LINGO2: variants seen among roughly 807,000 people sequenced by gnomAD.
LINGO2 encodes leucine-rich repeat and immunoglobulin-like domain-containing nogo receptor-interacting protein 2.
A neutral mutation model predicts 30.6 loss-of-function variants in LINGO2; 14 were observed. The observed-to-expected ratio is 0.46, with a 90% confidence interval of 0.30 to 0.72. The LOEUF is 0.72. Among genes scored for constraint, LINGO2 ranks in the 30% least tolerant of loss-of-function variants. The pLI, the probability that LINGO2 is intolerant of heterozygous loss-of-function variation, is 0.07. For synonymous variants in LINGO2, 317 were observed against 288.5 expected (o/e 1.10, Z -1.00); for missense variants, 729 against 751.7 (o/e 0.97, Z 0.35).
At chr9:27,989,664 C>A (rs1457757694) in intron 5 of LINGO2, among the ~76,000 whole-genome samples, 3 of 151,952 alleles carry the variant, frequency 2.0e-5, no homozygotes, top group Admixed American at 6.6e-5. Context: ...AGACCTATGT[C>A]CAGAACAAAA....
At chr9:28,085,020 T>G (rs1563965019) in intron 4 of LINGO2, among the ~76,000 whole-genome samples, 1 of 152,118 alleles carries the variant, frequency 6.6e-6, no homozygotes, top group Non-Finnish European at 1.5e-5. Context: ...TCTAATTTAA[T>G]CTTTAAAACA....
At chr9:28,224,101 G>A (rs1352201391) in intron 4 of LINGO2, among the ~76,000 whole-genome samples, 1 of 152,070 alleles carries the variant, frequency 6.6e-6, no homozygotes, top group Non-Finnish European at 1.5e-5. Flanking sequence ...GTCTCACTCT[G>A]TAGCCCAGGC....
At chr9:28,761,296 A>G in the LINGO2 span, among the ~76,000 whole-genome samples, 1 of 152,010 alleles carries the variant, frequency 6.6e-6, no homozygotes, top group African/African-American at 2.4e-5. Flanking sequence ...TTATAGCATC[A>G]GTCCAGTGAC....
At chr9:28,501,202 A>T (rs1270249720) in intron 1 of LINGO2, among the ~76,000 whole-genome samples, 2 of 152,180 alleles carry the variant, frequency 1.3e-5, no homozygotes, top group African/African-American at 2.4e-5. Context: ...AGTATCATAC[A>T]CAAATTGTTG....
At chr9:28,764,314 C>T in the LINGO2 span, among the ~76,000 whole-genome samples, 1 of 151,596 alleles carries the variant, frequency 6.6e-6, no homozygotes, top group Admixed American at 6.6e-5. Flanking sequence ...ATACAAAGAC[C>T]AACTGGGGTT....
At chr9:28,313,808 ATTAG>A (rs1032632046) in intron 3 of LINGO2, among the ~76,000 whole-genome samples, 3 of 152,312 alleles carry the variant, frequency 2.0e-5, no homozygotes, top group African/African-American at 4.8e-5. Context: ...TATCCACATT[ATTAG>A]TTAGTTTGAT....
chr9:28,468,661 A>G (rs1358990754), intron 2 of LINGO2, among the ~76,000 whole-genome samples: 1 of 152,192 alleles, frequency 6.6e-6, no homozygotes, highest in Non-Finnish European at 1.5e-5. Flanking sequence ...CAACAGACTG[A>G]CTAATACAGG....
At chr9:29,073,946 A>G in the LINGO2 span, among the ~76,000 whole-genome samples, 1 of 152,212 alleles carries the variant, frequency 6.6e-6, no homozygotes, top group Non-Finnish European at 1.5e-5. Context: ...GCCTATAACT[A>G]TGAAAGCTAC....
intron 1 of LINGO2, among the ~76,000 whole-genome samples, chr9:28,557,495 C>T (rs1427265621): frequency 6.6e-6 from 1 of 151,972 alleles, no homozygotes; most frequent in African/African-American, 2.4e-5. Context: ...AGTCAGAAAA[C>T]GACAGGTGCT....
intron 1 of LINGO2, among the ~76,000 whole-genome samples, chr9:28,607,919 C>A (rs1409811104): frequency 2.0e-5 from 3 of 152,000 alleles, no homozygotes; most frequent in Non-Finnish European, 4.4e-5. Context: ...ACAACTGGTG[C>A]TGCCTAGAAA....
intron 2 of LINGO2, among the ~76,000 whole-genome samples, chr9:28,403,810 G>A (rs1216318415): frequency 6.6e-6 from 1 of 151,844 alleles, no homozygotes; most frequent in East Asian, 1.9e-4. Flanking sequence ...ATCAGGGACT[G>A]GATCCTACTC....
chr9:28,328,727 A>G (rs1292378774), intron 3 of LINGO2, among the ~76,000 whole-genome samples: 1 of 152,220 alleles, frequency 6.6e-6, no homozygotes, highest in East Asian at 1.9e-4. Flanking sequence ...AATGCAATGT[A>G]CATAAAAATA....
the LINGO2 span, among the ~76,000 whole-genome samples, chr9:28,772,190 T>G: frequency 1.3e-5 from 2 of 152,206 alleles, no homozygotes; most frequent in South Asian, 2.1e-4. Flanking sequence ...GGTTTATACA[T>G]CTGTGTCTTG....
At chr9:29,127,771 G>T in the LINGO2 span, among the ~76,000 whole-genome samples, 1 of 152,086 alleles carries the variant, frequency 6.6e-6, no homozygotes, top group Non-Finnish European at 1.5e-5. Context: ...ACTCTTTTCT[G>T]TCTTTCCTGG....
chr9:28,684,175 C>CTTT, the LINGO2 span, among the ~76,000 whole-genome samples: 1,681 of 45,440 alleles, frequency 0.037, 475 homozygotes, highest in East Asian at 0.081. Flanking sequence ...AAATGTTTAT[C>CTTT]TTTTTTTTTT....
intron 4 of LINGO2, among the ~76,000 whole-genome samples, chr9:28,263,971 C>T (rs1822656071): frequency 1.3e-5 from 2 of 151,784 alleles, no homozygotes; most frequent in African/African-American, 4.8e-5. Context: ...TTATTTGTTA[C>T]TTAAAATGAC....
At chr9:28,189,861 G>T (rs1220415771) in intron 4 of LINGO2, among the ~76,000 whole-genome samples, 2 of 152,082 alleles carry the variant, frequency 1.3e-5, no homozygotes, top group Admixed American at 6.6e-5. Context: ...ATGTGCGTGT[G>T]CAAACATGTG....
At chr9:28,962,248 G>A in the LINGO2 span, among the ~76,000 whole-genome samples, 1 of 152,012 alleles carries the variant, frequency 6.6e-6, no homozygotes, top group African/African-American at 2.4e-5. Flanking sequence ...CAATCCTCAT[G>A]ATAACCTTAG....
At chr9:28,107,075 C>T (rs774982163) in intron 4 of LINGO2, among the ~76,000 whole-genome samples, 1 of 152,130 alleles carries the variant, frequency 6.6e-6, no homozygotes, top group Non-Finnish European at 1.5e-5. Context: ...TTTTTCGGAT[C>T]TCACTTCCCT....
Sources: allele counts gnomAD v4.1 joint callset (sites outside exome capture counted in the v4.1 genomes callset), GRCh38; gene constraint gnomAD v4.1.1; transcripts MANE v1.5; gene names NCBI Gene and HGNC (gene_info 2026-07-23, HGNC 2026-07-21).